C6: variants seen among roughly 807,000 people sequenced by gnomAD.
C6 encodes complement component C6.
In C6, 101 loss-of-function variants were observed where a neutral mutation model predicts 112.9. The observed-to-expected ratio is 0.89, with a 90% confidence interval of 0.76 to 1.06. The LOEUF is 1.06. Ranked by LOEUF, C6 falls within the 50% of genes least tolerant of loss-of-function variation. The probability of loss-of-function intolerance (pLI) is 0.00; values close to 1 mark genes in which losing one functional copy is unlikely to be tolerated. For synonymous variants in C6, 431 were observed against 384.1 expected, an observed-to-expected ratio of 1.12 and a Z score of -1.43; for missense variants, 1,202 against 1,104.6, an observed-to-expected ratio of 1.09 and a Z score of -1.25.
intron 15 of C6, 108 bp from the exon 16 acceptor site, chr5:41,150,133 G>T: frequency 1.3e-6 from 1 of 765,384 alleles, no homozygotes; most frequent in Non-Finnish European, 2.3e-6. Flanking sequence ...TTTATCTCTT[G>T]GAGTTAGATC....
chr5:41,222,171 A>G lies in C6; in HGVS notation c.-20-18921T>C, dbSNP rs533694575. Among the ~76,000 whole-genome samples the G allele has an allele frequency of 9.8e-3, 1,484 of 151,674 alleles. 33 individuals carry two copies. Among genetic ancestry groups the G allele is most frequent in the African/African-American group, 0.034 (1,408 of 41,432 alleles). Reference sequence around the variant, plus strand: ...ACAGAGAGAGACTCCATCTCAAAAAAAAAAAACAAAAAAAAGAAAAGTAAT... The same window carrying G: ...ACAGAGAGAGACTCCATCTCAAAAAGAAAAAACAAAAAAAAGAAAAGTAAT... On this transcript the variant is annotated intron_variant, in intron 1 of 17. Transcript: ENST00000263413.
At chr5:41,161,962 G>A (rs1305583276) in intron 9 of C6, 103 bp from the exon 10 acceptor site, 2 of 1,076,172 alleles carry the variant, frequency 1.9e-6, no homozygotes, top group Non-Finnish European at 1.4e-6. Context: ...GAAGTAGATG[G>A]TACAGTATGT....
chr5:41,244,124 A>G (rs1740887732), intron 1 of C6, among the ~76,000 whole-genome samples: 1 of 152,232 alleles, frequency 6.6e-6, no homozygotes, highest in Admixed American at 6.5e-5. Flanking sequence ...AGAAAAAGAT[A>G]CTTTTGAACT....
intron 1 of C6, among the ~76,000 whole-genome samples, chr5:41,228,166 G>A (rs6863798): frequency 0.024 from 3,705 of 151,852 alleles, 168 homozygotes; most frequent in African/African-American, 0.084. Context: ...ATAGTTTTCA[G>A]TATACAGCTC....
At chr5:41,258,137 A>T (rs1037755250) in intron 1 of C6, among the ~76,000 whole-genome samples, 3 of 152,168 alleles carry the variant, frequency 2.0e-5, no homozygotes, top group African/African-American at 7.2e-5. Context: ...ATAATAACAT[A>T]GTCTTGGTAT....
chr5:41,191,793 C>CTT (rs374884823), intron 5 of C6, among the ~76,000 whole-genome samples: 8,784 of 142,336 alleles, frequency 0.062, 339 homozygotes, highest in African/African-American at 0.11. Flanking sequence ...TTTCTAGGGC[C>CTT]TTTTTTTTTT....
chr5:41,156,787 C>A (rs73750296), intron 13 of C6, among the ~76,000 whole-genome samples: 3,290 of 152,272 alleles, frequency 0.022, 127 homozygotes, highest in African/African-American at 0.074. Context: ...TCAAAGGCTG[C>A]ACATTTTTTC....
chr5:41,210,546 A>C (rs1334111268), intron 1 of C6, among the ~76,000 whole-genome samples: 2 of 152,188 alleles, frequency 1.3e-5, no homozygotes, highest in African/African-American at 2.4e-5. Flanking sequence ...CCCCATCAAA[A>C]AGTGGGCAAA....
Position 41,253,098 on chromosome 5 carries a change from T to G in C6, c.-21+8096A>C, listed in dbSNP as rs376650802. ...AGGGGAAGAAGGCATGGGCTTGAATTGAAATCTGATTATATGTTAAGAATG... is the reference window on the plus strand; with the variant it reads ...AGGGGAAGAAGGCATGGGCTTGAATGGAAATCTGATTATATGTTAAGAATG... On this transcript the variant is annotated intron_variant, in intron 1 of 17. Transcript: ENST00000263413. 7.2e-5 allele frequency among the ~76,000 whole-genome samples: 11 copies of G among 152,334 alleles called. No homozygotes were observed. The East Asian group carries it at 1.5e-3, about 21-fold the overall frequency.
intron 5 of C6, among the ~76,000 whole-genome samples, chr5:41,194,778 T>A (rs1003066121): frequency 4.6e-5 from 7 of 152,184 alleles, no homozygotes; most frequent in African/African-American, 1.7e-4. Flanking sequence ...AGCCTTCTCT[T>A]ATATTTCCTA....
In C6 at chr5:41,149,613, T is replaced by G. The variant is rs1438310609; in HGVS notation, c.2382-131A>C. The G allele has an allele frequency of 6.2e-6, 7 of 1,126,246 alleles. No individual in the cohort carries two copies. The Admixed American group carries it at 1.2e-4, about 20-fold the overall frequency. 69.8% of individuals were successfully genotyped at this position (1,126,246 alleles called of 1,614,324 possible). A position where few individuals can be genotyped will look rare whatever the true frequency, so the allele number is the denominator to read the frequency against. On this transcript the variant is annotated intron_variant, in intron 16 of 17. Coordinates refer to ENST00000337836, the MANE Select transcript of C6 (RefSeq NM_000065.5). ...GTTTTCCCCACCCCACTCCAAGCCC[T>G]GGGCTTGAGTGAGAGGAACAGGAAA... is the stretch of plus-strand genomic sequence containing the variant.
intron 6 of C6, 33 bp downstream of exon 6, chr5:41,186,037 T>C: frequency 6.2e-7 from 1 of 1,613,548 alleles, no homozygotes; most frequent in South Asian, 1.1e-5. Context: ...TCACTGACGG[T>C]GTTGGAGTTG....
intron 6 of C6, among the ~76,000 whole-genome samples, chr5:41,185,259 T>A (rs4245976): frequency 6.6e-6 from 1 of 152,174 alleles, no homozygotes; most frequent in East Asian, 1.9e-4. Context: ...TTGAGTGAAT[T>A]GAATTGGAAA....
rs757211232 is a variant in C6 at position 41,149,232 on chromosome 5, G to A, written c.2623+9C>T. 6.2e-7 allele frequency: 1 copy of A among 1,613,910 alleles called. No individual in the cohort carries two copies. Among genetic ancestry groups the A allele is most frequent in the South Asian group, 1.1e-5 (1 of 91,064 alleles). On this transcript the variant is annotated intron_variant, in intron 17 of 17. Transcript: ENST00000337836. ...GAGAGCATTTAGTATGGTCACCATT[G>A]GAACTTACCTGAACATTTTTCCCAG...
chr5:41,209,542 T>G (rs1414863211), intron 1 of C6, among the ~76,000 whole-genome samples: 1 of 152,184 alleles, frequency 6.6e-6, no homozygotes, highest in African/African-American at 2.4e-5. Context: ...ACAAAATCAA[T>G]GTGCAAAAAT....
chr5:41,203,840 A>C (rs1445462814), intron 1 of C6: 1 of 157,472 alleles, frequency 6.4e-6, no homozygotes, highest in Non-Finnish European at 1.4e-5. Context: ...AAGGCAGTGC[A>C]ATAGTGTTGA....
intron 1 of C6, among the ~76,000 whole-genome samples, chr5:41,236,122 T>A (rs2150419044): frequency 1.0e-5 from 1 of 99,226 alleles, no homozygotes; most frequent in Non-Finnish European, 2.0e-5. Flanking sequence ...TTGCCATTGC[T>A]TTTGGTGATT....
intron 1 of C6, among the ~76,000 whole-genome samples, chr5:41,254,027 C>T (rs536757132): frequency 6.6e-6 from 1 of 152,246 alleles, no homozygotes; most frequent in East Asian, 1.9e-4. Context: ...ATTAATAGTA[C>T]ATGTTTCTAG....
In C6 at chr5:41,161,850, A is replaced by C. The variant is rs368195440; in HGVS notation, c.1301T>G (p.Ile434Arg). ...GGATATGGATTTCTCTGCTCCCTGT[A>C]TAAATGAACCTGCAAGGTGTTTCAA... ...KLSEKHEGSF[I>R]QGAEKSISLI... Residue 434 changes from isoleucine to arginine, a missense_variant, in exon 10 of 18, where the codon ATA becomes AGA. Transcript: ENST00000337836. 6 of 1,613,482 alleles carry C rather than the reference A, an allele frequency of 3.7e-6. No individual in the cohort carries two copies. The South Asian group carries it at 6.6e-5, about 18-fold the overall frequency.
Sources: gnomAD v4.1 joint callset for allele counts (sites outside exome capture counted in the v4.1 genomes callset) on GRCh38, gnomAD v4.1.1 for gene constraint, MANE v1.5 for transcripts, NCBI Gene and HGNC (gene_info 2026-07-23, HGNC 2026-07-21) for gene names.